The following TAFA2 variants were observed in gnomAD, a reference collection of about 807,000 sequenced individuals.
TAFA2 encodes chemokine-like protein TAFA-2.
A neutral mutation model predicts 18.8 loss-of-function variants in TAFA2; 7 were observed. That is an observed-to-expected ratio of 0.37 (90% CI 0.21 to 0.70). The LOEUF (loss-of-function observed/expected upper bound fraction) is 0.70, where lower values mean the gene tolerates loss of function less well. TAFA2 is among the 30% of genes least tolerant of loss of function. The pLI is 0.53. For synonymous variants in TAFA2, 60 were observed against 54.2 expected (o/e 1.11, Z -0.47); for missense variants, 122 against 158.1 (o/e 0.77, Z 1.23).
At chr12:61,838,078 G>C (rs1306873164) in intron 2 of TAFA2, among the ~76,000 whole-genome samples, 1 of 152,020 alleles carries the variant, frequency 6.6e-6, no homozygotes, top group Non-Finnish European at 1.5e-5. Flanking sequence ...AAATCTAAGA[G>C]AAGAGAATCA....
intron 4 of TAFA2, among the ~76,000 whole-genome samples, chr12:61,738,192 C>A (rs184158011): frequency 6.6e-6 from 1 of 151,602 alleles, no homozygotes; most frequent in Non-Finnish European, 1.5e-5. Flanking sequence ...ACTCAGCATT[C>A]AATAAACAAG....
chr12:61,939,725 C>T (rs868425514), intron 1 of TAFA2, among the ~76,000 whole-genome samples: 12 of 152,178 alleles, frequency 7.9e-5, no homozygotes, highest in Non-Finnish European at 1.5e-4. Flanking sequence ...CAGGACAATA[C>T]ATTTGATGGC....
At chr12:62,015,809 A>G (rs1880918527) in intron 1 of TAFA2, among the ~76,000 whole-genome samples, 1 of 152,194 alleles carries the variant, frequency 6.6e-6, no homozygotes, top group Non-Finnish European at 1.5e-5. Flanking sequence ...AAACAAGTAA[A>G]TCATGGAGTT....
intron 2 of TAFA2, among the ~76,000 whole-genome samples, chr12:61,767,486 T>A (rs1869839648): frequency 6.6e-6 from 1 of 152,118 alleles, no homozygotes; most frequent in African/African-American, 2.4e-5. Context: ...CTAAGAGGTT[T>A]TTTTTTCACA....
intron 2 of TAFA2, among the ~76,000 whole-genome samples, chr12:61,846,747 T>G (rs1030115987): frequency 1.3e-5 from 2 of 152,182 alleles, no homozygotes; most frequent in African/African-American, 2.4e-5. Context: ...CACCCAATGA[T>G]AGCTCTGAAA....
At chr12:62,209,838 A>T (rs574850584) in intron 1 of TAFA2, among the ~76,000 whole-genome samples, 89 of 152,360 alleles carry the variant, frequency 5.8e-4, no homozygotes, top group African/African-American at 1.9e-3. Flanking sequence ...GATAGATATT[A>T]TCTCATTTTA....
intron 4 of TAFA2, among the ~76,000 whole-genome samples, chr12:61,726,844 G>A (rs1482524249): frequency 6.6e-6 from 1 of 152,046 alleles, no homozygotes; most frequent in African/African-American, 2.4e-5. Context: ...TCCCTGTTCA[G>A]TATAATGTTG....
At chr12:61,992,405 G>GA (rs1019268609) in intron 1 of TAFA2, among the ~76,000 whole-genome samples, 10 of 152,056 alleles carry the variant, frequency 6.6e-5, no homozygotes, top group African/African-American at 2.4e-4. Context: ...GCTCTTTGTT[G>GA]AAAATACATC....
intron 1 of TAFA2, among the ~76,000 whole-genome samples, chr12:61,973,771 T>C (rs1437947429): frequency 6.6e-6 from 1 of 151,720 alleles, no homozygotes; most frequent in Non-Finnish European, 1.5e-5. Context: ...TGGGAAATTC[T>C]GAAAATCCCC....
intron 2 of TAFA2, among the ~76,000 whole-genome samples, chr12:61,823,028 T>C (rs746634557): frequency 1.3e-5 from 2 of 151,620 alleles, no homozygotes; most frequent in Non-Finnish European, 2.9e-5. Context: ...GGAAATACTC[T>C]TTTAGTTATT....
At chr12:62,210,483 G>A (rs890758470) in intron 1 of TAFA2, among the ~76,000 whole-genome samples, 2 of 152,100 alleles carry the variant, frequency 1.3e-5, no homozygotes, top group African/African-American at 2.4e-5. Context: ...AGTTAAGACA[G>A]AGCTTCAAAT....
At chr12:61,976,689 C>A (rs1879447934) in intron 1 of TAFA2, among the ~76,000 whole-genome samples, 1 of 151,890 alleles carries the variant, frequency 6.6e-6, no homozygotes, top group Non-Finnish European at 1.5e-5. Context: ...TCTCCCTACC[C>A]CACGACAGAC....
chr12:62,202,827 T>A (rs1195790384), intron 1 of TAFA2, among the ~76,000 whole-genome samples: 1 of 137,892 alleles, frequency 7.3e-6, no homozygotes, highest in Non-Finnish European at 1.6e-5. Context: ...GGTTCTTTTT[T>A]TTTTTTTTTT....
chr12:62,015,573 G>A (rs912581810), intron 1 of TAFA2, among the ~76,000 whole-genome samples: 4 of 152,172 alleles, frequency 2.6e-5, no homozygotes, highest in African/African-American at 9.6e-5. Flanking sequence ...TGCAAACAAT[G>A]TACCAGACAC....
At chr12:62,230,720 C>G (rs2062808716) in intron 1 of TAFA2, among the ~76,000 whole-genome samples, 1 of 152,170 alleles carries the variant, frequency 6.6e-6, no homozygotes, top group Non-Finnish European at 1.5e-5. Context: ...CCCTGTCACC[C>G]AGGCTGGAGT....
At chr12:62,021,323 T>G (rs1295851147) in intron 1 of TAFA2, among the ~76,000 whole-genome samples, 1 of 152,114 alleles carries the variant, frequency 6.6e-6, no homozygotes, top group African/African-American at 2.4e-5. Flanking sequence ...ACAGATCGTG[T>G]TTGGTTACAT....
At chr12:61,797,142 G>T (rs1046919544) in intron 2 of TAFA2, among the ~76,000 whole-genome samples, 5 of 152,182 alleles carry the variant, frequency 3.3e-5, no homozygotes, top group African/African-American at 9.7e-5. Flanking sequence ...CCAATTGGTT[G>T]TAGAATGGTT....
chr12:61,985,457 T>C (rs1024659082), intron 1 of TAFA2, among the ~76,000 whole-genome samples: 3 of 152,202 alleles, frequency 2.0e-5, no homozygotes, highest in Non-Finnish European at 4.4e-5. Flanking sequence ...TGAATCATTA[T>C]AGGAATGCTG....
intron 2 of TAFA2, among the ~76,000 whole-genome samples, chr12:61,761,692 A>G (rs1160100469): frequency 6.6e-6 from 1 of 152,098 alleles, no homozygotes; most frequent in Non-Finnish European, 1.5e-5. Flanking sequence ...AGACACAGAA[A>G]TGTAAGTTGG....
Sources: gnomAD v4.1 joint callset for allele counts (sites outside exome capture counted in the v4.1 genomes callset) on GRCh38, gnomAD v4.1.1 for gene constraint, MANE v1.5 for transcripts, NCBI Gene and HGNC (gene_info 2026-07-23, HGNC 2026-07-21) for gene names.